ROR1: variants seen among roughly 807,000 people sequenced by gnomAD.
ROR1 encodes the protein inactive tyrosine-protein kinase transmembrane receptor ROR1.
Under a neutral mutation model 78.8 loss-of-function variants are expected in ROR1, and 19 were observed. The observed-to-expected ratio is 0.24, with a 90% CI of 0.17 to 0.35. ROR1 has a LOEUF of 0.35. ROR1 is among the 10% of genes least tolerant of loss of function. The pLI is 1.00. For missense variants in ROR1, 917 were observed against 1,177.8 expected (o/e 0.78, Z 3.24); for synonymous variants, 386 against 433.6 (o/e 0.89, Z 1.36).
At chr1:64,103,136 A>G (rs1647634848) in intron 4 of ROR1, among the ~76,000 whole-genome samples, 1 of 152,204 alleles carries the variant, frequency 6.6e-6, no homozygotes, top group South Asian at 2.1e-4. Context: ...TAGGTTCGCT[A>G]TGGAAAAGAA....
intron 1 of ROR1, among the ~76,000 whole-genome samples, chr1:63,890,609 A>G (rs892227523): frequency 2.0e-5 from 3 of 151,996 alleles, no homozygotes; most frequent in African/African-American, 4.8e-5. Flanking sequence ...TGAAAGATTT[A>G]TCTTGGGTGA....
chr1:63,896,978 A>G (rs1223794550), intron 1 of ROR1, among the ~76,000 whole-genome samples: 3 of 152,234 alleles, frequency 2.0e-5, no homozygotes, highest in East Asian at 3.8e-4. Flanking sequence ...CAAATGAAGT[A>G]ATAGGTATGG....
In ROR1 at chr1:63,970,982, G is replaced by T. The variant is rs576159091; in HGVS notation, c.92-38323G>T. Among the ~76,000 whole-genome samples, 3 of 152,320 alleles carry T rather than the reference G, an allele frequency of 2.0e-5. No homozygotes were observed. In the South Asian group the frequency reaches 6.2e-4, roughly 32 times the overall value. ...GGTTGTCAAAAGCAAAAGCGAGCCT[G>T]GCTAATAAGGCATTTGCAATTGCAG... On this transcript the variant is annotated intron_variant, in intron 1 of 8. Transcript: ENST00000371079.
rs1489002813 is a variant in ROR1 at position 63,774,425 on chromosome 1, G to A, written c.8G>A (p.Arg3Gln). 1 of 1,179,620 alleles carries A rather than the reference G, an allele frequency of 8.5e-7. No individual in the cohort carries two copies. Among genetic ancestry groups the A allele is most frequent in the Non-Finnish European group, 1.0e-6 (1 of 959,136 alleles). 73.1% of individuals were successfully genotyped at this position (1,179,620 alleles called of 1,614,324 possible). A position where few individuals can be genotyped will look rare whatever the true frequency, so the allele number is the denominator to read the frequency against. The change falls in exon 1 of 9, where the codon CGG (arginine) becomes CAG (glutamine). Residue 3 changes from arginine (R) to glutamine (Q), a missense_variant. Physicochemically the swap from Arg to Gln is conservative, Grantham distance 43. Transcript: ENST00000371079. The surrounding 1 kb of genome is among the most constrained non-coding windows in gnomAD (Gnocchi z 5.7). MHRPRRRGTRPPL... is the reference protein window; with the variant it reads MHQPRRRGTRPPL... ...GCCTCAGCGAGAGGAGGAATGCACC[G>A]GCCGCGCCGCCGCGGGACGCGCCCG...
intron 1 of ROR1, among the ~76,000 whole-genome samples, chr1:63,866,025 C>G (rs1380489850): frequency 2.0e-5 from 3 of 152,030 alleles, no homozygotes; most frequent in Non-Finnish European, 4.4e-5. Flanking sequence ...CTGAAATTTT[C>G]CTTCTCTTCC....
chr1:63,989,105 G>A (rs148999263), intron 1 of ROR1, among the ~76,000 whole-genome samples: 75 of 150,606 alleles, frequency 5.0e-4, no homozygotes, highest in African/African-American at 1.5e-3. Flanking sequence ...ACATTCCTAC[G>A]AGCAGTGCAT....
At chr1:64,016,171 G>A (rs990877684) in intron 2 of ROR1, among the ~76,000 whole-genome samples, 1 of 152,230 alleles carries the variant, frequency 6.6e-6, no homozygotes, top group Non-Finnish European at 1.5e-5. Flanking sequence ...CCTGTTGAAA[G>A]GGAGGCATCA....
chr1:63,810,124 C>T (rs555068704), intron 1 of ROR1, among the ~76,000 whole-genome samples: 101 of 152,094 alleles, frequency 6.6e-4, no homozygotes, highest in Admixed American at 2.3e-3. Context: ...AAATAAGAAA[C>T]GAGAAACCCA....
At chr1:63,878,566 C>T (rs918709527) in intron 1 of ROR1, among the ~76,000 whole-genome samples, 1 of 151,766 alleles carries the variant, frequency 6.6e-6, no homozygotes, top group African/African-American at 2.4e-5. Flanking sequence ...CTGCCATTTG[C>T]TTACAGGTTT....
chr1:63,811,252 G>A (rs1166875199), intron 1 of ROR1, among the ~76,000 whole-genome samples: 1 of 152,204 alleles, frequency 6.6e-6, no homozygotes, highest in Non-Finnish European at 1.5e-5. Flanking sequence ...TTTTCACACA[G>A]TTTGGACCAG....
chr1:63,978,173 C>T (rs191910386), intron 1 of ROR1, among the ~76,000 whole-genome samples: 198 of 152,258 alleles, frequency 1.3e-3, no homozygotes, highest in Non-Finnish European at 2.3e-3. Flanking sequence ...CAAATGACCT[C>T]TTTTATTTCT....
chr1:63,893,737 T>C (rs961895234), intron 1 of ROR1, among the ~76,000 whole-genome samples: 22 of 152,202 alleles, frequency 1.4e-4, no homozygotes, highest in Non-Finnish European at 2.8e-4. Context: ...GATGGTGCTA[T>C]ACAAAGTGGG....
intron 1 of ROR1, among the ~76,000 whole-genome samples, chr1:64,005,920 T>C (rs1413877283): frequency 6.6e-6 from 1 of 152,144 alleles, no homozygotes; most frequent in Non-Finnish European, 1.5e-5. Flanking sequence ...AGAACAAAAC[T>C]CCCCAGAATC....
At chr1:63,882,506 G>T (rs1222454025) in intron 1 of ROR1, among the ~76,000 whole-genome samples, 2 of 152,122 alleles carry the variant, frequency 1.3e-5, no homozygotes, top group Admixed American at 6.6e-5. Flanking sequence ...GCCTGTGGGT[G>T]ACTTAATCTG....
At chr1:63,783,441 A>ATAATTAG (rs1644665486) in intron 1 of ROR1, among the ~76,000 whole-genome samples, 1 of 152,184 alleles carries the variant, frequency 6.6e-6, no homozygotes, top group South Asian at 2.1e-4. Context: ...CTAATAATTA[A>ATAATTAG]CACACTGAGC....
Position 63,917,684 on chromosome 1 carries a change from G to A in ROR1, c.92-91621G>A, listed in dbSNP as rs373953259. 1.1e-3 allele frequency among the ~76,000 whole-genome samples: 168 copies of A among 152,308 alleles called. 1 individual carries two copies. Among genetic ancestry groups the A allele is most frequent in the African/African-American group, 9.4e-4 (39 of 41,572 alleles). On this transcript the variant is annotated intron_variant, in intron 1 of 8. Coordinates refer to ENST00000371079, the MANE Select transcript of ROR1 (RefSeq NM_005012.4). ...ATGAGAAATCAAGAGTGACTGTCCA[G>A]GAAAATGGAGATGTGGCAGATGGAG...
At chr1:63,923,779 C>T (rs1389837072) in intron 1 of ROR1, among the ~76,000 whole-genome samples, 1 of 151,746 alleles carries the variant, frequency 6.6e-6, no homozygotes, top group African/African-American at 2.4e-5. Flanking sequence ...AATCTGTACC[C>T]CTTACCCTGC....
intron 2 of ROR1, among the ~76,000 whole-genome samples, chr1:64,031,394 C>G (rs779790456): frequency 2.7e-4 from 41 of 152,192 alleles, no homozygotes; most frequent in Non-Finnish European, 1.5e-4. Flanking sequence ...GAAGGTGGGT[C>G]CCAGCAGCCT....
At chr1:63,857,058 G>A (rs80169888) in intron 1 of ROR1, among the ~76,000 whole-genome samples, 1,872 of 152,094 alleles carry the variant, frequency 0.012, 44 homozygotes, top group African/African-American at 0.044. Context: ...ATAGACTCAG[G>A]TGTGTAACAG....
Sources: allele counts gnomAD v4.1 joint callset (sites outside exome capture counted in the v4.1 genomes callset), GRCh38; gene constraint gnomAD v4.1.1; non-coding constraint Gnocchi (gnomAD v3.1); transcripts MANE v1.5; gene names NCBI Gene and HGNC (gene_info 2026-07-23, HGNC 2026-07-21).